CSRP3: variants seen among roughly 807,000 people sequenced by gnomAD.
CSRP3 encodes cysteine and glycine rich protein 3.
Under a neutral mutation model 24.3 loss-of-function variants are expected in CSRP3, and 24 were observed. That is an observed-to-expected ratio of 0.99 (90% CI 0.71 to 1.39). The LOEUF (loss-of-function observed/expected upper bound fraction) is 1.39, where lower values mean the gene tolerates loss of function less well. CSRP3 is among the 40% of genes most tolerant of loss of function. CSRP3 has a pLI of 0.00. For synonymous variants in CSRP3, 105 were observed against 94.0 expected, an observed-to-expected ratio of 1.12 and a Z score of -0.68; for missense variants, 240 against 249.0, an observed-to-expected ratio of 0.96 and a Z score of 0.24.
At chr11:19,199,319 C>G (rs553749907) in intron 1 of CSRP3, among the ~76,000 whole-genome samples, 1 of 152,034 alleles carries the variant, frequency 6.6e-6, no homozygotes, top group East Asian at 1.9e-4. Context: ...TTCACAGAGC[C>G]CAGGAAGAAC....
At chr11:19,185,089 A>G (rs777713563) in intron 4 of CSRP3, 44 bp from the exon 5 acceptor site, 11 of 1,413,422 alleles carry the variant, frequency 7.8e-6, no homozygotes, top group African/African-American at 4.2e-5. Flanking sequence ...GGTAGGCAAC[A>G]CATTCTGTTT....
intron 3 of CSRP3, among the ~76,000 whole-genome samples, chr11:19,187,348 C>G (rs1273602080): frequency 6.6e-6 from 1 of 152,362 alleles, no homozygotes; most frequent in African/African-American, 2.4e-5. Context: ...GGCTGAAGTG[C>G]TCTCTGGGGG....
Position 19,186,977 on chromosome 11 carries a change from C to A in CSRP3, c.282-629G>T, listed in dbSNP as rs570783557. Among the ~76,000 whole-genome samples the A allele has an allele frequency of 3.3e-5, 5 of 152,342 alleles. 1 individual carries two copies. Among genetic ancestry groups the A allele is most frequent in the Middle Eastern group, 6.8e-3 (2 of 294 alleles). ...ATATTATATCACTTGAGCTGTACCA[C>A]AACCCTATAAGGTAGGCAGGGCTGG... On this transcript the variant is annotated intron_variant, in intron 3 of 5. Coordinates refer to ENST00000265968, the MANE Select transcript of CSRP3 (RefSeq NM_003476.5).
chr11:19,197,852 G>C (rs917054089), intron 1 of CSRP3, among the ~76,000 whole-genome samples: 1 of 151,940 alleles, frequency 6.6e-6, no homozygotes, highest in East Asian at 1.9e-4. Context: ...GAATCTAAGC[G>C]ATAGTAATAG....
Position 19,197,755 on chromosome 11 carries a change from T to C in CSRP3, c.-29+4199A>G, listed in dbSNP as rs144342164. ...TAGCTCAGTTGGTCATCCTACTAGA[T>C]GCCTGATTTCCTGCAGTGAGTTCAA... On this transcript the variant is annotated intron_variant, in intron 1 of 5. Transcript: ENST00000265968. Among the ~76,000 whole-genome samples the C allele has an allele frequency of 1.3e-3, 195 of 151,792 alleles. 3 individuals are homozygous for C. Among genetic ancestry groups the C allele is most frequent in the African/African-American group, 4.6e-3 (190 of 41,346 alleles).
At chr11:19,195,405 T>C (rs1185922074) in intron 1 of CSRP3, among the ~76,000 whole-genome samples, 1 of 152,210 alleles carries the variant, frequency 6.6e-6, no homozygotes, top group African/African-American at 2.4e-5. Flanking sequence ...CATTCTTCTC[T>C]CATTAAAGAT....
Position 19,182,363 on chromosome 11 carries a change from A to C in CSRP3, c.*307T>G, listed in dbSNP as rs1565049142. ...GCAACTCGTTTTTTGAACTAGCTTTATGTTTTTGAAAATTTCTATCTCAAA... is the reference window on the plus strand; with the variant it reads ...GCAACTCGTTTTTTGAACTAGCTTTCTGTTTTTGAAAATTTCTATCTCAAA... On this transcript the variant is annotated 3_prime_UTR_variant, in exon 6 of 6. Transcript: ENST00000265968. The C allele has an allele frequency of 2.2e-5, 8 of 364,242 alleles. No individual in the cohort carries two copies. The highest frequency in any genetic ancestry group is 4.8e-5 in the East Asian group (1 of 20,724). The allele number at this position is 364,242 out of a possible 1,614,324, so 22.6% of individuals were successfully genotyped here. A position where few individuals can be genotyped will look rare whatever the true frequency, so the allele number is the denominator to read the frequency against.
At chr11:19,193,374 C>T (rs917582817) in intron 1 of CSRP3, among the ~76,000 whole-genome samples, 5 of 152,202 alleles carry the variant, frequency 3.3e-5, no homozygotes, top group Non-Finnish European at 5.9e-5. Flanking sequence ...AGGAGCCAGA[C>T]CATGGTGCTG....
chr11:19,199,125 G>A (rs1173810546), intron 1 of CSRP3, among the ~76,000 whole-genome samples: 1 of 152,076 alleles, frequency 6.6e-6, no homozygotes, highest in Non-Finnish European at 1.5e-5. Flanking sequence ...GTGTGCCCAG[G>A]TCGGGGTGAG....
chr11:19,193,658 C>T (rs951076276), intron 1 of CSRP3, among the ~76,000 whole-genome samples: 7 of 152,028 alleles, frequency 4.6e-5, no homozygotes, highest in Admixed American at 1.3e-4. Context: ...CGTGCCCGGC[C>T]TAAACAAAAA....
intron 3 of CSRP3, among the ~76,000 whole-genome samples, chr11:19,187,714 T>G (rs1221830685): frequency 6.6e-6 from 1 of 152,202 alleles, no homozygotes; most frequent in Non-Finnish European, 1.5e-5. Context: ...TGTGGACGTT[T>G]GTCATCTTAC....
chr11:19,199,975 T>C (rs78902809), intron 1 of CSRP3, among the ~76,000 whole-genome samples: 11,923 of 152,296 alleles, frequency 0.078, 576 homozygotes, highest in Middle Eastern at 0.14. Context: ...CTGTGTGTTA[T>C]ATTCCTAGCC....
intron 2 of CSRP3, 99 bp downstream of exon 2, chr11:19,192,238 C>T: frequency 1.2e-6 from 1 of 838,696 alleles, no homozygotes; most frequent in Non-Finnish European, 2.1e-6. Context: ...CCCAGGACCA[C>T]ACTATGAGAA....
Position 19,182,469 on chromosome 11 carries a change from G to T in CSRP3, c.*201C>A. 1 of 613,886 alleles carries T rather than the reference G, an allele frequency of 1.6e-6. No homozygotes were observed. Among genetic ancestry groups the T allele is most frequent in the Non-Finnish European group, 2.9e-6 (1 of 342,596 alleles). The allele number at this position is 613,886 out of a possible 1,614,324, so 38.0% of individuals were successfully genotyped here. A position where few individuals can be genotyped will look rare whatever the true frequency, so the allele number is the denominator to read the frequency against. On this transcript the variant is annotated 3_prime_UTR_variant, in exon 6 of 6. Transcript: ENST00000265968. The stretch of plus-strand genomic sequence containing the variant: ...CATTCCAAGCATTATAAATAATAAA[G>T]CATTTGTTATAGATTAAACTTTACA...
At position 19,182,317 on chromosome 11, in the gene CSRP3, T is replaced by C; in HGVS notation, c.*353A>G. 4.0e-6 allele frequency: 1 copy of C among 249,656 alleles called. No homozygotes were observed. The highest frequency in any genetic ancestry group is 6.7e-5 in the South Asian group (1 of 14,894). 15.5% of individuals were successfully genotyped at this position (249,656 alleles called of 1,614,324 possible). Reference sequence around the variant, plus strand: ...CTTCTCACTCCTTTCTCAGTTGACATCCAAATTTATTATATGCTCTGCAAC... The same window carrying C: ...CTTCTCACTCCTTTCTCAGTTGACACCCAAATTTATTATATGCTCTGCAAC... On this transcript the variant is annotated 3_prime_UTR_variant, in exon 6 of 6. Transcript: ENST00000265968.
chr11:19,192,480 A>C lies in CSRP3; in HGVS notation c.-28-4T>G, dbSNP rs372446591. 20 of 1,561,546 alleles carry C rather than the reference A, an allele frequency of 1.3e-5. No homozygotes were observed. Among genetic ancestry groups the C allele is most frequent in the Non-Finnish European group, 1.7e-5 (19 of 1,132,122 alleles). ...GACTATCTGGTCAAGGTCAAGTCTA[A>C]GGGGACATAAAGCAAATACCCTACA... On this transcript the variant is annotated splice_polypyrimidine_tract_variant and splice_region_variant and intron_variant, in intron 1 of 5. Coordinates refer to ENST00000265968, the MANE Select transcript of CSRP3 (RefSeq NM_003476.5).
Position 19,197,516 on chromosome 11 carries a change from T to C in CSRP3, c.-29+4438A>G, listed in dbSNP as rs144769994. Among the ~76,000 whole-genome samples the C allele has an allele frequency of 4.1e-3, 424 of 102,956 alleles. 3 individuals are homozygous for C. Among genetic ancestry groups the C allele is most frequent in the African/African-American group, 0.011 (244 of 22,272 alleles). The allele number at this position is 102,956 out of a possible 152,430, so 67.5% of individuals were successfully genotyped here. On this transcript the variant is annotated intron_variant, in intron 1 of 5. Transcript: ENST00000265968. ...CCCTCTTTTCCTCTTTCTTTCTTTC[T>C]TTCTTTCTTTCTTTCTTTCTTTCTT...
intron 5 of CSRP3, 139 bp from the exon 6 acceptor site, chr11:19,182,885 G>A (rs1028595349): frequency 2.0e-5 from 14 of 717,784 alleles, no homozygotes; most frequent in African/African-American, 7.0e-5. Context: ...CGCCAGGCAC[G>A]GTGGCTCATG....
Position 19,185,052 on chromosome 11 carries a change from G to GGC in CSRP3, c.415-9_415-8dup. The GGC allele has an allele frequency of 1.2e-6, 2 of 1,611,746 alleles. No individual in the cohort carries two copies. The highest frequency in any genetic ancestry group is 1.7e-6 in the Non-Finnish European group (2 of 1,177,770). On this transcript the variant is annotated splice_region_variant and splice_polypyrimidine_tract_variant and intron_variant, in intron 4 of 5. Transcript: ENST00000265968. ...AACAGGTCTTGTGCCAAGGCTGAGG[G>GGC]GCACAGAAAAGTTGCATATTTAATG...
Sources: gnomAD v4.1 joint callset for allele counts (sites outside exome capture counted in the v4.1 genomes callset) on GRCh38, gnomAD v4.1.1 for gene constraint, MANE v1.5 for transcripts, NCBI Gene and HGNC (gene_info 2026-07-23, HGNC 2026-07-21) for gene names.